The following ZFP1 variants were observed in gnomAD, a reference collection of about 807,000 sequenced individuals.
ZFP1 encodes zinc finger protein 1 homolog.
In ZFP1, 32 loss-of-function variants were observed where a neutral mutation model predicts 38.5. The observed-to-expected ratio is 0.83, with a 90% CI of 0.63 to 1.12. ZFP1 has a LOEUF of 1.12. ZFP1 is among the 50% of genes most tolerant of loss of function. ZFP1 has a pLI of 0.00. For missense variants in ZFP1, 616 were observed against 480.8 expected (o/e 1.28, Z -2.63); for synonymous variants, 245 against 168.8 (o/e 1.45, Z -3.50).
At chr16:75,138,712 T>A in the ZFP1 span, among the ~76,000 whole-genome samples, 1 of 152,182 alleles carries the variant, frequency 6.6e-6, no homozygotes, top group Non-Finnish European at 1.5e-5. Context: ...AGGGAAGTGA[T>A]GCAGAGCCAG....
At chr16:75,119,173 C>T in the ZFP1 span, among the ~76,000 whole-genome samples, 1 of 152,162 alleles carries the variant, frequency 6.6e-6, no homozygotes, top group Non-Finnish European at 1.5e-5. Flanking sequence ...TTAACTGAGA[C>T]CTTTCTCAGA....
chr16:75,122,309 G>C, the ZFP1 span, among the ~76,000 whole-genome samples: 1 of 152,284 alleles, frequency 6.6e-6, no homozygotes, highest in East Asian at 1.9e-4. Flanking sequence ...AGTACCAGCC[G>C]GAGTGGCAGG....
intron 2 of ZFP1, among the ~76,000 whole-genome samples, chr16:75,165,970 C>T (rs536475311): frequency 6.6e-6 from 1 of 152,258 alleles, no homozygotes; most frequent in African/African-American, 2.4e-5. Flanking sequence ...TTTCTTCAGC[C>T]ATTCTGGCCT....
At chr16:75,121,409 A>G in the ZFP1 span, among the ~76,000 whole-genome samples, 47 of 152,198 alleles carry the variant, frequency 3.1e-4, no homozygotes, top group East Asian at 7.9e-3. Flanking sequence ...ACAGGAATGA[A>G]CCACCACACC....
chr16:75,141,255 T>A, the ZFP1 span, among the ~76,000 whole-genome samples: 3 of 129,842 alleles, frequency 2.3e-5, no homozygotes, highest in Non-Finnish European at 4.7e-5. Flanking sequence ...CAGGCTGGAG[T>A]GCAGTGGTGC....
intron 1 of ZFP1, among the ~76,000 whole-genome samples, chr16:75,150,528 TTA>T (rs1467477281): frequency 2.0e-5 from 3 of 152,220 alleles, no homozygotes; most frequent in Admixed American, 2.0e-4. Flanking sequence ...CCAGATCTTT[TTA>T]TATTATTGAT....
rs923130562 is a variant in ZFP1 at position 75,171,407 on chromosome 16, T to C, written c.*1073T>C. The C allele has an allele frequency of 1.3e-5, 2 of 152,240 alleles. No individual in the cohort carries two copies. The highest frequency in any genetic ancestry group is 4.8e-5 in the African/African-American group (2 of 41,460). 9.4% of individuals were successfully genotyped at this position (152,240 alleles called of 1,614,324 possible). A position where few individuals can be genotyped will look rare whatever the true frequency, so the allele number is the denominator to read the frequency against. On this transcript the variant is annotated 3_prime_UTR_variant, in exon 4 of 4. Transcript: ENST00000570010. ...CCCCTTTAGAAGTAAATTTTTACAC[T>C]ATTTTGTTGTTTAAAGGAGGCATTT...
chr16:75,166,374 C>G (rs556987604), intron 2 of ZFP1, among the ~76,000 whole-genome samples: 1 of 152,286 alleles, frequency 6.6e-6, no homozygotes, highest in African/African-American at 2.4e-5. Context: ...GCTGGGAGTA[C>G]AGGCATGTGC....
Position 75,171,734 on chromosome 16 carries a change from A to G in ZFP1, c.*1400A>G, listed in dbSNP as rs1259048284. ...GATATCATTGATGTGCTGTCACACT[A>G]TATATTGAGTGACTTTCTGAACAAA... On this transcript the variant is annotated 3_prime_UTR_variant, in exon 4 of 4. Coordinates refer to ENST00000570010, the MANE Select transcript of ZFP1 (RefSeq NM_153688.4). The G allele has an allele frequency of 2.0e-5, 3 of 152,236 alleles. No individual in the cohort carries two copies. Among genetic ancestry groups the G allele is most frequent in the Non-Finnish European group, 4.4e-5 (3 of 68,046 alleles). 9.4% of individuals were successfully genotyped at this position (152,236 alleles called of 1,614,324 possible).
intron 2 of ZFP1, among the ~76,000 whole-genome samples, chr16:75,159,382 TTCCTTTCTC>T (rs1157910294): frequency 5.4e-4 from 4 of 7,340 alleles, no homozygotes; most frequent in Non-Finnish European, 3.6e-3. Context: ...CCTCCCTTCC[TTCCTTTCTC>T]TCTCTCTCTC....
rs771682331 is a variant in ZFP1, at chr16:75,169,944, C to G, written c.834C>G (p.Ala278=). 4 of 1,613,982 alleles carry G rather than the reference C, an allele frequency of 2.5e-6. No individual in the cohort carries two copies. The African/African-American group carries it at 5.3e-5, about 22-fold the overall frequency. ...GCAGTGAATGTGGAAAGACATTTGCCCAAAAGTTTGAACTCACCACACACC... is the reference window on the plus strand; with the variant it reads ...GCAGTGAATGTGGAAAGACATTTGCGCAAAAGTTTGAACTCACCACACACC... ...YECSECGKTF[A]QKFELTTHQR... is the part of the protein sequence containing the mutation. Residue 278 remains alanine (A), a synonymous_variant, in exon 4 of 4, where the codon GCC becomes GCG. Transcript: ENST00000570010.
At chr16:75,149,948 C>T (rs2037103871) in intron 1 of ZFP1, among the ~76,000 whole-genome samples, 1 of 151,936 alleles carries the variant, frequency 6.6e-6, no homozygotes, top group African/African-American at 2.4e-5. Context: ...CTACACCTGG[C>T]TGATTTTTGT....
chr16:75,153,071 C>G, intron 2 of ZFP1, 105 bp downstream of exon 2: 2 of 1,447,312 alleles, frequency 1.4e-6, no homozygotes, highest in Non-Finnish European at 1.9e-6. Context: ...ACAAAGGAAA[C>G]ATAGCAAGAA....
intron 3 of ZFP1, 54 bp downstream of exon 3, chr16:75,166,950 T>C (rs779462924): frequency 1.7e-5 from 27 of 1,567,768 alleles, no homozygotes; most frequent in Non-Finnish European, 2.2e-5. Context: ...ATTTATGTCC[T>C]GTCTCAGTGA....
chr16:75,119,386 G>A, the ZFP1 span, among the ~76,000 whole-genome samples: 1 of 150,922 alleles, frequency 6.6e-6, no homozygotes, highest in Non-Finnish European at 1.5e-5. Context: ...AGTTCATTTT[G>A]TTGTACAACT....
intron 2 of ZFP1, among the ~76,000 whole-genome samples, chr16:75,155,084 A>G (rs547133449): frequency 6.6e-6 from 1 of 152,268 alleles, no homozygotes; most frequent in African/African-American, 2.4e-5. Context: ...AGCGTAAGTC[A>G]CTGTGCCTGG....
At chr16:75,163,247 TCTTA>T (rs1376589255) in intron 2 of ZFP1, among the ~76,000 whole-genome samples, 3 of 152,176 alleles carry the variant, frequency 2.0e-5, no homozygotes, top group African/African-American at 7.2e-5. Flanking sequence ...TAATGTTGTC[TCTTA>T]CTGTCTCTAT....
the ZFP1 span, among the ~76,000 whole-genome samples, chr16:75,138,894 G>C: frequency 2.0e-5 from 3 of 152,184 alleles, no homozygotes; most frequent in South Asian, 6.2e-4. Context: ...GTGGTCCTTT[G>C]TGATGACAGC....
chr16:75,122,288 A>G, the ZFP1 span, among the ~76,000 whole-genome samples: 3,742 of 152,300 alleles, frequency 0.025, 173 homozygotes, highest in African/African-American at 0.086. Flanking sequence ...GACTATTTTA[A>G]AAAGAGCAGG....
Sources: gnomAD v4.1 joint callset for allele counts (sites outside exome capture counted in the v4.1 genomes callset) on GRCh38, gnomAD v4.1.1 for gene constraint, MANE v1.5 for transcripts, NCBI Gene and HGNC (gene_info 2026-07-23, HGNC 2026-07-21) for gene names.